Variants in MAN1A2 observed in about 807,000 individuals in gnomAD.
MAN1A2 encodes mannosidase alpha class 1A member 2, also known as mannosyl-oligosaccharide 1,2-alpha-mannosidase IB.
A neutral mutation model predicts 75.7 loss-of-function variants in MAN1A2; 26 were observed. The ratio of observed to expected loss-of-function variants is 0.34; its 90% confidence interval spans 0.25 to 0.48. The LOEUF is 0.48. MAN1A2 is among the 20% of genes least tolerant of loss of function. The pLI is 0.99. For missense variants in MAN1A2, 562 were observed against 775.5 expected (o/e 0.72, Z 3.27); for synonymous variants, 247 against 264.6 (o/e 0.93, Z 0.65).
At position 117,405,570 on chromosome 1, in the gene MAN1A2, A is replaced by G; in HGVS notation, c.580A>G (p.Asn194Asp). 6.2e-7 allele frequency: 1 copy of G among 1,601,816 alleles called. No homozygotes were observed. The highest frequency in any genetic ancestry group is 8.6e-7 in the Non-Finnish European group (1 of 1,168,984). ...IKEMMKHAWD[N>D]YRTYGWGHNE... ...TCAGATGATGAAACATGCTTGGGAT[A>G]ACTATAGGACATATGGGTGGGGACA... is the stretch of plus-strand genomic sequence containing the variant. The change falls in exon 3 of 13, where the codon AAC (asparagine) becomes GAC (aspartate). Residue 194 changes from asparagine to aspartate, a missense_variant. Around this residue, in one of 2 missense-constraint regions of MAN1A2, gnomAD observed 434 missense variants for 645.7 expected, o/e 0.67. Transcript: ENST00000356554.
At chr1:117,432,953 A>G (rs1012817312) in intron 5 of MAN1A2, among the ~76,000 whole-genome samples, 4 of 148,948 alleles carry the variant, frequency 2.7e-5, no homozygotes, top group African/African-American at 9.8e-5. Context: ...CTTTTTATAT[A>G]ATATAAAAGA....
At chr1:117,481,801 G>A (rs1006624572) in intron 8 of MAN1A2, among the ~76,000 whole-genome samples, 2 of 151,956 alleles carry the variant, frequency 1.3e-5, no homozygotes, top group Non-Finnish European at 2.9e-5. Flanking sequence ...CACTGTTAAC[G>A]TTTTACCAGA....
In MAN1A2 at chr1:117,526,662, CTT is replaced by C. The variant is rs1652027029; in HGVS notation, c.*3706_*3707del. On this transcript the variant is annotated 3_prime_UTR_variant, in exon 13 of 13. Coordinates refer to ENST00000356554, the MANE Select transcript of MAN1A2 (RefSeq NM_006699.5). ...TTTGTCACATAATTCATGGGTAAAA[CTT>C]GCAGTTGTAAATTGTGTCTGCTCTG... 1 of 151,172 alleles carries C rather than the reference CTT, an allele frequency of 6.6e-6. No homozygotes were observed. Among genetic ancestry groups the C allele is most frequent in the African/African-American group, 2.4e-5 (1 of 41,292 alleles). 9.4% of individuals were successfully genotyped at this position (151,172 alleles called of 1,614,324 possible).
At chr1:117,459,759 T>C (rs1216180030) in intron 6 of MAN1A2, among the ~76,000 whole-genome samples, 1 of 152,188 alleles carries the variant, frequency 6.6e-6, no homozygotes. Flanking sequence ...ATGTTCATGG[T>C]AACAAAATAT....
rs1651053343 is a variant in MAN1A2 at position 117,496,989 on chromosome 1, A to C, written c.1504+7A>C. On this transcript the variant is annotated splice_region_variant and intron_variant, in intron 10 of 12. Transcript: ENST00000356554. ...GAGTCATATGACAGAACTGGTAAGA[A>C]TATTAATAAGGCTAATTATATAGTC... 6.3e-7 allele frequency: 1 copy of C among 1,598,622 alleles called. No homozygotes were observed. Among genetic ancestry groups the C allele is most frequent in the Admixed American group, 1.7e-5 (1 of 58,480 alleles).
intron 8 of MAN1A2, among the ~76,000 whole-genome samples, chr1:117,466,787 A>G (rs1373054006): frequency 6.6e-6 from 1 of 152,104 alleles, no homozygotes; most frequent in Non-Finnish European, 1.5e-5. Context: ...ACAAATGAGT[A>G]TTTACTAGAA....
intron 8 of MAN1A2, among the ~76,000 whole-genome samples, chr1:117,487,124 GAAATA>G (rs1218590393): frequency 6.6e-6 from 1 of 152,000 alleles, no homozygotes. Flanking sequence ...ATACCCGTAT[GAAATA>G]AAATTAAGTG....
intron 3 of MAN1A2, among the ~76,000 whole-genome samples, chr1:117,413,356 T>C (rs933530087): frequency 1.3e-5 from 2 of 151,888 alleles, no homozygotes; most frequent in Admixed American, 6.6e-5. Flanking sequence ...CAAATTTGTG[T>C]AGCTTTAAAT....
intron 3 of MAN1A2, among the ~76,000 whole-genome samples, chr1:117,412,954 G>A (rs1371453817): frequency 6.6e-6 from 1 of 151,886 alleles, no homozygotes; most frequent in Non-Finnish European, 1.5e-5. Flanking sequence ...AACTGGAGGA[G>A]CAGAACTATC....
rs751901617 is a variant in MAN1A2, at chr1:117,523,022, T to C, written c.*65T>C. On this transcript the variant is annotated 3_prime_UTR_variant, in exon 13 of 13. Transcript: ENST00000356554. ...TACATGGACCACTACAGAAATTAGT[T>C]TGAAGGGGCGGCTTTTGAAAACCTG... is the stretch of plus-strand genomic sequence containing the variant. 1.6e-5 allele frequency: 26 copies of C among 1,586,292 alleles called. No individual in the cohort carries two copies. The highest frequency in any genetic ancestry group is 2.2e-5 in the Non-Finnish European group (25 of 1,162,422).
At chr1:117,410,392 A>C (rs773640193) in intron 3 of MAN1A2, among the ~76,000 whole-genome samples, 1 of 151,950 alleles carries the variant, frequency 6.6e-6, no homozygotes, top group Non-Finnish European at 1.5e-5. Context: ...CATCGATGAT[A>C]AAAACTGTCA....
At chr1:117,378,109 AAAAT>A (rs954825986) in intron 1 of MAN1A2, among the ~76,000 whole-genome samples, 11 of 152,138 alleles carry the variant, frequency 7.2e-5, no homozygotes, top group East Asian at 1.9e-4. Context: ...CTCAAATAAC[AAAAT>A]AAATAAATAA....
rs1037582772 is a variant in MAN1A2, at chr1:117,517,244, C to A, written c.1794-5581C>A. Among the ~76,000 whole-genome samples, 8 of 152,230 alleles carry A rather than the reference C, an allele frequency of 5.3e-5. No individual in the cohort carries two copies. In the East Asian group the frequency reaches 1.5e-3, roughly 29 times the overall value. On this transcript the variant is annotated intron_variant, in intron 12 of 12. Coordinates refer to ENST00000356554, the MANE Select transcript of MAN1A2 (RefSeq NM_006699.5). Reference sequence around the variant, plus strand: ...AAAGGAATATAAAAATAACTACCACCCAACAAAGTAAAATCTGTAATGTCT... The same window carrying A: ...AAAGGAATATAAAAATAACTACCACACAACAAAGTAAAATCTGTAATGTCT...
chr1:117,486,439 A>G lies in MAN1A2; in HGVS notation c.1169-6708A>G, dbSNP rs1258816835. On this transcript the variant is annotated intron_variant, in intron 8 of 12. Transcript: ENST00000356554. ...CTGTATACATGTTAAATTTCACAGTAAAAATATAGTCAAAAAAGGGATCCC... is the reference window on the plus strand; with the variant it reads ...CTGTATACATGTTAAATTTCACAGTGAAAATATAGTCAAAAAAGGGATCCC... 4.6e-5 allele frequency among the ~76,000 whole-genome samples: 7 copies of G among 152,106 alleles called. No homozygotes were observed. In the East Asian group the frequency reaches 1.4e-3, roughly 29 times the overall value.
Position 117,454,413 on chromosome 1 carries a change from T to C in MAN1A2, c.951-6076T>C, listed in dbSNP as rs191694598. 5.9e-5 allele frequency among the ~76,000 whole-genome samples: 9 copies of C among 152,270 alleles called. No individual in the cohort carries two copies. The East Asian group carries it at 1.7e-3, about 29-fold the overall frequency. On this transcript the variant is annotated intron_variant, in intron 6 of 12. Transcript: ENST00000356554. ...AGGCATTTACATTGGGGAACCAAAA[T>C]AGAAATACTTCCTTCTTATCATAAG...
intron 12 of MAN1A2, among the ~76,000 whole-genome samples, chr1:117,517,346 T>C (rs1252660591): frequency 1.3e-5 from 2 of 152,274 alleles, no homozygotes; most frequent in Admixed American, 6.5e-5. Flanking sequence ...TAAAACCAAC[T>C]TAGAACTGAT....
intron 5 of MAN1A2, among the ~76,000 whole-genome samples, chr1:117,421,844 A>G (rs1314374146): frequency 1.3e-5 from 2 of 152,282 alleles, no homozygotes; most frequent in East Asian, 1.9e-4. Context: ...AGTATGTATT[A>G]GAATCACATA....
At chr1:117,516,673 A>G (rs1203358161) in intron 12 of MAN1A2, among the ~76,000 whole-genome samples, 1 of 152,148 alleles carries the variant, frequency 6.6e-6, no homozygotes, top group East Asian at 1.9e-4. Flanking sequence ...TCTGAGAAAC[A>G]GGAAACAAAT....
intron 8 of MAN1A2, among the ~76,000 whole-genome samples, chr1:117,480,935 G>A (rs1293455145): frequency 6.6e-6 from 1 of 151,666 alleles, no homozygotes. Context: ...GTTTCTAATG[G>A]TTCGTTACCT....
Sources: gnomAD v4.1 joint callset for allele counts (sites outside exome capture counted in the v4.1 genomes callset) on GRCh38, gnomAD v4.1.1 for gene constraint, gnomAD v4.1.1 regional missense constraint, MANE v1.5 for transcripts, NCBI Gene and HGNC (gene_info 2026-07-23, HGNC 2026-07-21) for gene names.